The following TMEM87A variants were observed in gnomAD, a reference collection of about 807,000 sequenced individuals.
The protein encoded by TMEM87A is transmembrane protein 87A.
TMEM87A carries 50 observed loss-of-function variants against 90.0 expected under a neutral mutation model. That is an observed-to-expected ratio of 0.56 (90% CI 0.44 to 0.70). The LOEUF (loss-of-function observed/expected upper bound fraction) is 0.70. TMEM87A is among the 30% of genes least tolerant of loss of function. The pLI, the probability that TMEM87A is intolerant of heterozygous loss-of-function variation, is 0.00. For missense variants in TMEM87A, 577 were observed against 660.5 expected, an observed-to-expected ratio of 0.87 and a Z score of 1.39; for synonymous variants, 226 against 226.7, an observed-to-expected ratio of 1.00 and a Z score of 0.03.
At chr15:42,248,188 A>G (rs1401275899) in intron 6 of TMEM87A, among the ~76,000 whole-genome samples, 1 of 152,146 alleles carries the variant, frequency 6.6e-6, no homozygotes, top group African/African-American at 2.4e-5. Flanking sequence ...TTGGGCTGAG[A>G]TGATGGGGTT....
chr15:42,256,157 T>C (rs1195407433), intron 6 of TMEM87A, among the ~76,000 whole-genome samples: 3 of 152,158 alleles, frequency 2.0e-5, no homozygotes, highest in Non-Finnish European at 2.9e-5. Context: ...TTTTTGCTTT[T>C]TGAGACAGAG....
At chr15:42,232,382 ATTTC>A (rs779320665) in intron 11 of TMEM87A, among the ~76,000 whole-genome samples, 2 of 152,072 alleles carry the variant, frequency 1.3e-5, no homozygotes, top group Non-Finnish European at 2.9e-5. Flanking sequence ...CCAGCCATAA[ATTTC>A]TTTATCACTT....
chr15:42,235,992 TC>T (rs765349590), intron 10 of TMEM87A, among the ~76,000 whole-genome samples: 1 of 150,340 alleles, frequency 6.7e-6, no homozygotes, highest in Non-Finnish European at 1.5e-5. Flanking sequence ...AGAATGCGTT[TC>T]CCATAAAAAA....
intron 12 of TMEM87A, among the ~76,000 whole-genome samples, chr15:42,229,701 C>T (rs1014227242): frequency 1.3e-5 from 2 of 152,170 alleles, no homozygotes; most frequent in Non-Finnish European, 2.9e-5. Flanking sequence ...GGTTGAGAAG[C>T]TCATATGGTT....
intron 18 of TMEM87A, 78 bp from the exon 19 acceptor site, chr15:42,217,911 G>C: frequency 7.2e-7 from 1 of 1,381,614 alleles, no homozygotes; most frequent in Non-Finnish European, 1.0e-6. Flanking sequence ...ATGGAATAAT[G>C]CAATTAAAAG....
intron 7 of TMEM87A, among the ~76,000 whole-genome samples, chr15:42,242,163 C>G (rs572310206): frequency 6.6e-6 from 1 of 151,858 alleles, no homozygotes; most frequent in African/African-American, 2.4e-5. Flanking sequence ...AACAGAAACT[C>G]AAAACAGTGC....
At chr15:42,245,330 G>T (rs1299599211) in intron 6 of TMEM87A, among the ~76,000 whole-genome samples, 1 of 151,996 alleles carries the variant, frequency 6.6e-6, no homozygotes, top group Admixed American at 6.6e-5. Flanking sequence ...TAAAATGCTG[G>T]TGTAATAACC....
At chr15:42,244,945 T>A (rs2140953497) in intron 6 of TMEM87A, among the ~76,000 whole-genome samples, 1 of 151,800 alleles carries the variant, frequency 6.6e-6, no homozygotes, top group East Asian at 2.0e-4. Context: ...CTAGGTTCTG[T>A]GAACCCCCCA....
At chr15:42,239,559 T>G in intron 8 of TMEM87A, 111 bp downstream of exon 8, 4 of 924,068 alleles carry the variant, frequency 4.3e-6, no homozygotes, top group Non-Finnish European at 7.0e-6. Context: ...AGCAACATTT[T>G]CTGAATTGCA....
chr15:42,264,300 C>T (rs1377319096), intron 3 of TMEM87A, 97 bp from the exon 4 acceptor site: 1 of 753,248 alleles, frequency 1.3e-6, no homozygotes, highest in African/African-American at 1.8e-5. Context: ...AGTACAGATA[C>T]AATTTTGAGT....
At chr15:42,226,748 C>A in intron 15 of TMEM87A, 58 bp downstream of exon 15, 1 of 1,449,498 alleles carries the variant, frequency 6.9e-7, no homozygotes. Context: ...AATGCACCAC[C>A]CCTAATTGAT....
At chr15:42,216,856 AAAAAC>A (rs1193744746) in intron 19 of TMEM87A, among the ~76,000 whole-genome samples, 2 of 152,208 alleles carry the variant, frequency 1.3e-5, no homozygotes, top group Non-Finnish European at 2.9e-5. Flanking sequence ...CTTCCTGAAA[AAAAAC>A]AAAACAAAAA....
chr15:42,223,550 G>T (rs2050535182), intron 15 of TMEM87A, among the ~76,000 whole-genome samples: 1 of 152,194 alleles, frequency 6.6e-6, no homozygotes, highest in South Asian at 2.1e-4. Context: ...CCACCCTCAT[G>T]AATGAATTAA....
intron 6 of TMEM87A, among the ~76,000 whole-genome samples, chr15:42,256,137 G>A (rs551634125): frequency 6.0e-4 from 92 of 152,120 alleles, no homozygotes; most frequent in African/African-American, 1.7e-3. Flanking sequence ...TACTGAATTT[G>A]TGAGTATCCT....
chr15:42,255,292 C>T (rs1177910194), intron 6 of TMEM87A, among the ~76,000 whole-genome samples: 3 of 152,080 alleles, frequency 2.0e-5, no homozygotes, highest in African/African-American at 7.2e-5. Context: ...TGCCACCATG[C>T]GCAGCTAATT....
chr15:42,259,267 C>T (rs1331570452), intron 6 of TMEM87A, among the ~76,000 whole-genome samples: 3 of 152,140 alleles, frequency 2.0e-5, no homozygotes, highest in African/African-American at 7.2e-5. Flanking sequence ...GGATTACAGG[C>T]GTGCACCACC....
chr15:42,238,046 T>C (rs2050807582), intron 8 of TMEM87A, among the ~76,000 whole-genome samples: 1 of 151,714 alleles, frequency 6.6e-6, no homozygotes, highest in Non-Finnish European at 1.5e-5. Context: ...TATGTATGTA[T>C]CACATATGTA....
Position 42,210,628 on chromosome 15 carries a change from AAT to A in TMEM87A, c.*1078_*1079del, listed in dbSNP as rs2050266675. The stretch of plus-strand genomic sequence containing the variant: ...AATTGGATAAAACCATTAAAACAGA[AAT>A]AGAGTGCTTCAAATGAATCCCATCA... On this transcript the variant is annotated 3_prime_UTR_variant, in exon 20 of 20. Transcript: ENST00000389834. 6.6e-6 allele frequency: 1 copy of A among 152,652 alleles called. No homozygotes were observed. Among genetic ancestry groups the A allele is most frequent in the Admixed American group, 6.5e-5 (1 of 15,282 alleles). 9.5% of individuals were successfully genotyped at this position (152,652 alleles called of 1,614,324 possible).
chr15:42,244,129 T>C lies in TMEM87A; in HGVS notation c.543A>G (p.Pro181=), dbSNP rs1291625155. Reference sequence around the variant, plus strand: ...TGCCAATATGTACAATAAAAATGTATGGTGCATCTTGCCAAGTTTGCAATG... The same window carrying C: ...TGCCAATATGTACAATAAAAATGTACGGTGCATCTTGCCAAGTTTGCAATG... ...HEPLQTWQDA[P]YIFIVHIGIS... The change falls in exon 7 of 20, where the codon CCA becomes CCG. Residue 181 remains proline (P), a synonymous_variant. Coordinates refer to ENST00000389834, the MANE Select transcript of TMEM87A (RefSeq NM_015497.5). 4.4e-6 allele frequency: 7 copies of C among 1,576,680 alleles called. No homozygotes were observed. Among genetic ancestry groups the C allele is most frequent in the Non-Finnish European group, 3.4e-6 (4 of 1,168,310 alleles).
Sources: gnomAD v4.1 joint callset for allele counts (sites outside exome capture counted in the v4.1 genomes callset) on GRCh38, gnomAD v4.1.1 for gene constraint, MANE v1.5 for transcripts, NCBI Gene and HGNC (gene_info 2026-07-23, HGNC 2026-07-21) for gene names.